XNDC1N: variants seen among roughly 807,000 people sequenced by gnomAD.
XNDC1N encodes XRCC1 N-terminal domain containing 1, N-terminal like.
chr11:71,889,607 G>A, the XNDC1N span, among the ~76,000 whole-genome samples: 1 of 152,194 alleles, frequency 6.6e-6, no homozygotes, highest in Non-Finnish European at 1.5e-5. Flanking sequence ...ACCCATCGAG[G>A]TCAGGAGTCA....
chr11:71,927,397 C>T, the XNDC1N span, among the ~76,000 whole-genome samples: 4 of 151,952 alleles, frequency 2.6e-5, no homozygotes, highest in East Asian at 3.9e-4. Context: ...GTGGCGCGTA[C>T]GTAGTCCCAG....
chr11:71,914,620 G>C, the XNDC1N span, among the ~76,000 whole-genome samples: 1 of 151,814 alleles, frequency 6.6e-6, no homozygotes, highest in Non-Finnish European at 1.5e-5. Context: ...CCGGGAGGCA[G>C]AGGTTGCAGT....
the XNDC1N span, chr11:71,917,236 A>T: frequency 1.6e-6 from 1 of 611,896 alleles, no homozygotes; most frequent in Non-Finnish European, 3.0e-6. Flanking sequence ...CTGGTCTCGA[A>T]CTCCTGACCT....
the XNDC1N span, among the ~76,000 whole-genome samples, chr11:71,904,842 A>T: frequency 6.6e-6 from 1 of 151,940 alleles, no homozygotes. Context: ...TGCCCCTAGG[A>T]TGTTAAGAAT....
chr11:71,909,112 A>C, the XNDC1N span, among the ~76,000 whole-genome samples: 152 of 152,296 alleles, frequency 1.0e-3, no homozygotes, highest in East Asian at 5.6e-3. Context: ...CACATGATTC[A>C]CATGGCTTTA....
At chr11:71,881,432 A>G in the XNDC1N span, among the ~76,000 whole-genome samples, 1 of 152,176 alleles carries the variant, frequency 6.6e-6, no homozygotes, top group Non-Finnish European at 1.5e-5. Context: ...TCTGGAAGTT[A>G]TAAGTCTAAG....
chr11:71,872,144 G>T, the XNDC1N span, among the ~76,000 whole-genome samples: 1 of 152,084 alleles, frequency 6.6e-6, no homozygotes, highest in Non-Finnish European at 1.5e-5. Context: ...ACATTATGCT[G>T]CAAGAAAAAA....
the XNDC1N span, among the ~76,000 whole-genome samples, chr11:71,891,577 C>G: frequency 6.6e-6 from 1 of 152,114 alleles, no homozygotes; most frequent in Non-Finnish European, 1.5e-5. Flanking sequence ...AGATACCACA[C>G]CGCGGGTATA....
At chr11:71,913,170 T>G in the XNDC1N span, among the ~76,000 whole-genome samples, 1 of 151,868 alleles carries the variant, frequency 6.6e-6, no homozygotes, top group Non-Finnish European at 1.5e-5. Flanking sequence ...TATCACAGGG[T>G]TTTGTACCCC....
the XNDC1N span, among the ~76,000 whole-genome samples, chr11:71,895,475 ATTTTTTTT>A: frequency 4.2e-4 from 41 of 98,364 alleles, no homozygotes; most frequent in South Asian, 2.2e-3. Flanking sequence ...ATGCCTGGCT[ATTTTTTTT>A]TTTTTTTTTT....
chr11:71,884,558 G>A, the XNDC1N span: 1 of 1,601,030 alleles, frequency 6.2e-7, no homozygotes, highest in Non-Finnish European at 8.5e-7. Flanking sequence ...AAAAGAAGTG[G>A]TGAAAATTCT....
At chr11:71,888,929 A>G in the XNDC1N span, among the ~76,000 whole-genome samples, 12 of 152,174 alleles carry the variant, frequency 7.9e-5, no homozygotes, top group Non-Finnish European at 1.8e-4. Flanking sequence ...GTTGGACTCA[A>G]TTGACTCTAG....
chr11:71,899,355 G>A, the XNDC1N span, among the ~76,000 whole-genome samples: 7 of 152,148 alleles, frequency 4.6e-5, no homozygotes, highest in African/African-American at 1.7e-4. Flanking sequence ...AGAGGGGAAG[G>A]GCAGTTCAGT....
At chr11:71,902,361 G>T in the XNDC1N span, among the ~76,000 whole-genome samples, 3,124 of 139,576 alleles carry the variant, frequency 0.022, 2 homozygotes, top group African/African-American at 0.065. Context: ...CGGGCGAAGT[G>T]TTTGTATTTT....
chr11:71,914,286 GTCACAGCA>G, the XNDC1N span: 182 of 456,200 alleles, frequency 4.0e-4, no homozygotes, highest in Non-Finnish European at 6.5e-4. Flanking sequence ...ATGGGAGGAG[GTCACAGCA>G]TCAACATGAA....
the XNDC1N span, among the ~76,000 whole-genome samples, chr11:71,869,567 AT>A: frequency 6.6e-6 from 1 of 152,340 alleles, no homozygotes; most frequent in Admixed American, 6.5e-5. Flanking sequence ...GTATGATTAA[AT>A]TCTCATAGAG....
At chr11:71,889,476 G>A in the XNDC1N span, among the ~76,000 whole-genome samples, 3 of 152,184 alleles carry the variant, frequency 2.0e-5, no homozygotes, top group African/African-American at 7.2e-5. Flanking sequence ...CGAAGAAAAG[G>A]ACTTTCTCCA....
the XNDC1N span, among the ~76,000 whole-genome samples, chr11:71,912,099 A>C: frequency 6.6e-6 from 1 of 152,124 alleles, no homozygotes; most frequent in Non-Finnish European, 1.5e-5. Context: ...TTAGGCTGGT[A>C]TTTCTACATC....
chr11:71,890,214 C>A, the XNDC1N span, among the ~76,000 whole-genome samples: 1 of 152,184 alleles, frequency 6.6e-6, no homozygotes, highest in South Asian at 2.1e-4. Context: ...ATATTAGAGA[C>A]AATAACACAG....
Sources: gnomAD v4.1 joint callset for allele counts (sites outside exome capture counted in the v4.1 genomes callset) on GRCh38, gnomAD v4.1.1 for gene constraint, MANE v1.5 for transcripts, NCBI Gene and HGNC (gene_info 2026-07-23, HGNC 2026-07-21) for gene names.